The following FCHSD2 variants were observed in gnomAD, a reference collection of about 807,000 sequenced individuals.
The protein encoded by FCHSD2 is FCH and double SH3 domains 2.
FCHSD2 carries 38 observed loss-of-function variants against 108.1 expected under a neutral mutation model. The ratio of observed to expected loss-of-function variants is 0.35; its 90% confidence interval spans 0.27 to 0.46. The LOEUF is 0.46. Among genes scored for constraint, FCHSD2 ranks in the 20% least tolerant of loss-of-function variants. FCHSD2 has a pLI of 1.00. For missense variants in FCHSD2, 751 were observed against 897.8 expected, an observed-to-expected ratio of 0.84 and a Z score of 2.09; for synonymous variants, 279 against 314.7, an observed-to-expected ratio of 0.89 and a Z score of 1.20.
Position 72,861,919 on chromosome 11 carries a change from G to A in FCHSD2, c.1308+5946C>T, listed in dbSNP as rs564513640. 2.3e-3 allele frequency among the ~76,000 whole-genome samples: 260 copies of A among 110,804 alleles called. 1 individual carries two copies. Among genetic ancestry groups the A allele is most frequent in the South Asian group, 0.014 (42 of 3,004 alleles). 72.7% of individuals were successfully genotyped at this position (110,804 alleles called of 152,430 possible). On this transcript the variant is annotated intron_variant, in intron 13 of 19. Coordinates refer to ENST00000409418, the MANE Select transcript of FCHSD2 (RefSeq NM_014824.3). ...GCACTCCAGCCTGGGCAACAAAAGC[G>A]AAACGCCGTCTCAAAAAAAAAAAAA...
chr11:72,891,036 C>T (rs1269412281), intron 10 of FCHSD2, among the ~76,000 whole-genome samples: 2 of 152,148 alleles, frequency 1.3e-5, no homozygotes, highest in Non-Finnish European at 2.9e-5. Flanking sequence ...CCCACTTCAG[C>T]CTCCTGAGTA....
intron 2 of FCHSD2, among the ~76,000 whole-genome samples, chr11:73,101,049 C>T (rs1172644759): frequency 2.0e-5 from 3 of 152,100 alleles, no homozygotes; most frequent in African/African-American, 7.2e-5. Flanking sequence ...ACCTCTAAAC[C>T]AGTACCCACT....
chr11:72,984,726 T>G (rs1028053984), intron 7 of FCHSD2, among the ~76,000 whole-genome samples: 9 of 152,316 alleles, frequency 5.9e-5, no homozygotes, highest in African/African-American at 2.2e-4. Flanking sequence ...AGAATATCAC[T>G]CAGGGGTCTA....
chr11:73,032,482 T>A (rs909140538), intron 3 of FCHSD2, among the ~76,000 whole-genome samples: 2 of 152,078 alleles, frequency 1.3e-5, no homozygotes, highest in South Asian at 4.1e-4. Flanking sequence ...CGACTTGGCA[T>A]CCCAAGGTGC....
intron 9 of FCHSD2, among the ~76,000 whole-genome samples, chr11:72,908,926 T>A (rs1297600523): frequency 6.6e-6 from 1 of 152,164 alleles, no homozygotes; most frequent in African/African-American, 2.4e-5. Context: ...AGTGCTGGGA[T>A]TACAGGTGTG....
At chr11:72,944,321 C>T (rs968233770) in intron 8 of FCHSD2, among the ~76,000 whole-genome samples, 31 of 152,226 alleles carry the variant, frequency 2.0e-4, no homozygotes, top group South Asian at 2.1e-4. Context: ...TCAATAGATG[C>T]AGAAAAGGCC....
chr11:72,977,304 C>A (rs112752699), intron 8 of FCHSD2, among the ~76,000 whole-genome samples: 108 of 152,248 alleles, frequency 7.1e-4, no homozygotes, highest in African/African-American at 2.3e-3. Context: ...ACCCTGTAAG[C>A]ACAGGCAATC....
chr11:72,856,672 T>C (rs2135181896), intron 13 of FCHSD2, among the ~76,000 whole-genome samples: 1 of 152,312 alleles, frequency 6.6e-6, no homozygotes, highest in South Asian at 2.1e-4. Flanking sequence ...TCCTGTGCTA[T>C]CTCTTACAAA....
chr11:73,039,000 G>T (rs1432036941), intron 3 of FCHSD2, among the ~76,000 whole-genome samples: 3 of 152,100 alleles, frequency 2.0e-5, no homozygotes, highest in South Asian at 4.1e-4. Context: ...CTATCAAGTT[G>T]TATCAACTTA....
Position 72,841,550 on chromosome 11 carries a change from G to A in FCHSD2, c.1960C>T (p.Pro654Ser), listed in dbSNP as rs1224404011. ...SPSPKPHASLPPLPLYDQPPS... is the reference protein window; with the variant it reads ...SPSPKPHASLSPLPLYDQPPS... ...GGCTGGTCGTACAACGGCAGTGGAG[G>A]CAGGGAGGCGTGTGGCTTGGGGGAA... The change falls in exon 18 of 20, where the codon CCT becomes TCT. Residue 654 changes from proline (P) to serine (S), a missense_variant. By Grantham distance (74) the Pro-to-Ser change is moderately conservative. Coordinates refer to ENST00000409418, the MANE Select transcript of FCHSD2 (RefSeq NM_014824.3). 1.9e-6 allele frequency: 3 copies of A among 1,610,708 alleles called. No individual in the cohort carries two copies. Among genetic ancestry groups the A allele is most frequent in the Non-Finnish European group, 2.5e-6 (3 of 1,178,658 alleles).
rs1272444173 is a variant in FCHSD2 at position 72,842,902 on chromosome 11, C to T, written c.1706-61G>A. The stretch of plus-strand genomic sequence containing the variant: ...ATTAACAGCCGGTTGCTTTTGCAAC[C>T]ACCCCTATGCTCACATGACAACTAA... On this transcript the variant is annotated intron_variant, in intron 16 of 19. Transcript: ENST00000409418. 7 of 1,276,182 alleles carry T rather than the reference C, an allele frequency of 5.5e-6. No homozygotes were observed. In the East Asian group the frequency reaches 1.2e-4, roughly 21 times the overall value. The allele number at this position is 1,276,182 out of a possible 1,614,324, so 79.1% of individuals were successfully genotyped here.
chr11:73,089,660 G>A (rs900316257), intron 2 of FCHSD2, among the ~76,000 whole-genome samples: 4 of 152,120 alleles, frequency 2.6e-5, no homozygotes, highest in Admixed American at 1.3e-4. Flanking sequence ...ATAACATTAC[G>A]CTAAGTGAAA....
intron 10 of FCHSD2, among the ~76,000 whole-genome samples, chr11:72,894,060 A>G (rs1855371763): frequency 6.6e-6 from 1 of 152,256 alleles, no homozygotes; most frequent in African/African-American, 2.4e-5. Context: ...ACTAAAATAT[A>G]ACCATTTCAA....
At chr11:73,096,601 T>G in intron 2 of FCHSD2, among the ~76,000 whole-genome samples, 1 of 151,940 alleles carries the variant, frequency 6.6e-6, no homozygotes, top group East Asian at 1.9e-4. Context: ...CACTTCCAGA[T>G]AGAATTATAG....
intron 9 of FCHSD2, among the ~76,000 whole-genome samples, chr11:72,913,909 C>T (rs1855818835): frequency 6.6e-6 from 1 of 150,848 alleles, no homozygotes; most frequent in African/African-American, 2.4e-5. Context: ...CAAATCACTG[C>T]TGCTCAAATA....
At chr11:72,847,690 CT>C (rs60989366) in intron 14 of FCHSD2, among the ~76,000 whole-genome samples, 291 of 129,060 alleles carry the variant, frequency 2.3e-3, no homozygotes, top group African/African-American at 5.3e-3. Flanking sequence ...TGACTCTAAC[CT>C]TTTTTTTTTT....
chr11:72,839,132 C>T (rs570898083), intron 19 of FCHSD2, among the ~76,000 whole-genome samples: 124 of 152,300 alleles, frequency 8.1e-4, no homozygotes, highest in African/African-American at 2.7e-3. Flanking sequence ...TGACTAAGAT[C>T]CTAGCACATC....
At chr11:72,884,028 T>C (rs185521083) in intron 12 of FCHSD2, among the ~76,000 whole-genome samples, 1 of 151,892 alleles carries the variant, frequency 6.6e-6, no homozygotes, top group Admixed American at 6.6e-5. Flanking sequence ...TAGCACTTGG[T>C]AATTGCAAAG....
chr11:72,899,127 A>G (rs1855477594), intron 10 of FCHSD2, among the ~76,000 whole-genome samples: 1 of 152,238 alleles, frequency 6.6e-6, no homozygotes, highest in Non-Finnish European at 1.5e-5. Context: ...TGAAGATAAA[A>G]TAAATTAATA....
Sources: allele counts gnomAD v4.1 joint callset (sites outside exome capture counted in the v4.1 genomes callset), GRCh38; gene constraint gnomAD v4.1.1; transcripts MANE v1.5; gene names NCBI Gene and HGNC (gene_info 2026-07-23, HGNC 2026-07-21).